AR: variants seen among roughly 807,000 people sequenced by gnomAD.
AR encodes the protein dihydrotestosterone receptor.
In AR, 8 loss-of-function variants were observed where a neutral mutation model predicts 53.9. That is an observed-to-expected ratio of 0.15 (90% CI 0.09 to 0.27). The LOEUF (loss-of-function observed/expected upper bound fraction) is 0.27, where lower values mean the gene tolerates loss of function less well. Ranked by LOEUF, AR falls within the 10% of genes least tolerant of loss-of-function variation. The pLI is 1.00. For missense variants in AR, 639 were observed against 742.5 expected (o/e 0.86, Z 1.62); for synonymous variants, 359 against 316.4 (o/e 1.13, Z -1.43).
intron 1 of AR, among the ~76,000 whole-genome samples, chrX:67,598,420 A>G (rs1923181920): frequency 9.1e-6 from 1 of 109,820 alleles, no homozygotes; most frequent in Admixed American, 9.7e-5. Context: ...TAGCTGGATT[A>G]GAGGTGCGTG....
intron 1 of AR, among the ~76,000 whole-genome samples, chrX:67,615,229 A>T (rs954905120): frequency 2.7e-5 from 3 of 111,162 alleles, no homozygotes; most frequent in African/African-American, 6.5e-5. Flanking sequence ...ATCAAAGAAA[A>T]TTTTTTTAAA....
At chrX:67,642,524 A>G (rs1385051298) in intron 1 of AR, among the ~76,000 whole-genome samples, 1 of 111,347 alleles carries the variant, frequency 9.0e-6, no homozygotes, top group Non-Finnish European at 1.9e-5. Flanking sequence ...GTCCAGAATC[A>G]TTGTACATCA....
chrX:67,721,283 A>T (rs1310847441), intron 5 of AR, among the ~76,000 whole-genome samples: 1 of 112,298 alleles, frequency 8.9e-6, no homozygotes, highest in South Asian at 3.7e-4. Context: ...GAGTTTTTGA[A>T]TAAGTATGAA....
At chrX:67,669,286 C>A (rs942683765) in intron 2 of AR, among the ~76,000 whole-genome samples, 2 of 111,170 alleles carry the variant, frequency 1.8e-5, no homozygotes, top group Non-Finnish European at 3.8e-5. Flanking sequence ...AAATTTTCTT[C>A]TTTATTTATT....
intron 2 of AR, among the ~76,000 whole-genome samples, chrX:67,662,158 A>AT (rs1183359873): frequency 9.0e-6 from 1 of 111,344 alleles, no homozygotes; most frequent in Non-Finnish European, 1.9e-5. Context: ...GGATTCATTG[A>AT]TTTTTTGAAG....
chrX:67,545,638 G>A lies in AR; in HGVS notation c.492G>A (p.Leu164=), dbSNP rs2147316727. 8.4e-7 allele frequency: 1 copy of A among 1,193,707 alleles called. No individual in the cohort carries two copies. ...ATGACTCAGCTGCCCCATCCACGTT[G>A]TCCCTGCTGGGCCCCACTTTCCCCG... ...DEDDSAAPST[L]SLLGPTFPGL... The change falls in exon 1 of 8, where the codon TTG becomes TTA. Residue 164 remains leucine, a synonymous_variant. Transcript: ENST00000374690.
intron 1 of AR, among the ~76,000 whole-genome samples, chrX:67,588,690 G>C (rs1269768990): frequency 1.8e-5 from 2 of 112,368 alleles, no homozygotes; most frequent in Non-Finnish European, 3.8e-5. Flanking sequence ...TGACTAAATA[G>C]ACTTGGCCTC....
At chrX:67,571,001 T>C (rs1017009679) in intron 1 of AR, among the ~76,000 whole-genome samples, 5 of 110,438 alleles carry the variant, frequency 4.5e-5, no homozygotes, top group Non-Finnish European at 7.6e-5. Context: ...GAGAGAAGTT[T>C]AGCAGGACCA....
chrX:67,555,682 C>G (rs1263581209), intron 1 of AR, among the ~76,000 whole-genome samples: 2 of 112,265 alleles, frequency 1.8e-5, no homozygotes, highest in East Asian at 5.6e-4. Flanking sequence ...CTGTATTAGA[C>G]AACGTAACAT....
chrX:67,571,933 A>T (rs1921834395), intron 1 of AR, among the ~76,000 whole-genome samples: 1 of 110,895 alleles, frequency 9.0e-6, no homozygotes, highest in South Asian at 3.8e-4. Context: ...GAAGTCTATG[A>T]TGCTGGATTC....
chrX:67,689,613 C>T, intron 3 of AR: 1 of 961,264 alleles, frequency 1.0e-6, no homozygotes, highest in Non-Finnish European at 1.3e-6. Context: ...GAATGGCTTC[C>T]TTAAAGACTA....
chrX:67,577,065 A>G (rs1257223105), intron 1 of AR, among the ~76,000 whole-genome samples: 2 of 104,964 alleles, frequency 1.9e-5, no homozygotes, highest in Non-Finnish European at 3.9e-5. Context: ...CAATTTTGGA[A>G]CAATTTCATT....
At chrX:67,644,423 G>A (rs1276027862) in intron 2 of AR, among the ~76,000 whole-genome samples, 1 of 111,878 alleles carries the variant, frequency 8.9e-6, no homozygotes, top group Non-Finnish European at 1.9e-5. Context: ...TCACTGGCTG[G>A]AAGTGTTGAG....
At chrX:67,631,216 A>C (rs1362014292) in intron 1 of AR, among the ~76,000 whole-genome samples, 1 of 111,450 alleles carries the variant, frequency 9.0e-6, no homozygotes, top group African/African-American at 3.3e-5. Context: ...GTTCTCCTGG[A>C]TAATATCCTG....
At chrX:67,576,197 C>T (rs1298167471) in intron 1 of AR, among the ~76,000 whole-genome samples, 7 of 110,922 alleles carry the variant, frequency 6.3e-5, no homozygotes, top group Non-Finnish European at 1.9e-5. Flanking sequence ...CCAGGAAGTC[C>T]TCACGGAGAG....
At chrX:67,590,897 T>C (rs1293545803) in intron 1 of AR, among the ~76,000 whole-genome samples, 2 of 112,179 alleles carry the variant, frequency 1.8e-5, no homozygotes, top group African/African-American at 6.5e-5. Flanking sequence ...AAAATGCAAA[T>C]GACAGGAAAT....
intron 1 of AR, among the ~76,000 whole-genome samples, chrX:67,593,994 T>C (rs752285278): frequency 1.8e-5 from 2 of 111,728 alleles, no homozygotes; most frequent in Non-Finnish European, 3.8e-5. Context: ...ATAATTTGGT[T>C]ATTTTAGTGC....
intron 1 of AR, among the ~76,000 whole-genome samples, chrX:67,641,260 A>G (rs1246261971): frequency 8.9e-6 from 1 of 111,938 alleles, no homozygotes; most frequent in Non-Finnish European, 1.9e-5. Flanking sequence ...TCTGCAATAT[A>G]GGGATGATAC....
At position 67,580,996 on chromosome X, in the gene AR, A is replaced by G. The variant is rs755269552; in HGVS notation, c.1616+34234A>G. The stretch of plus-strand genomic sequence containing the variant: ...GAATAATCTAAGCCAAGAATTATCA[A>G]CCTGGGTTGGACGTGAGAATCATTA... On this transcript the variant is annotated intron_variant, in intron 1 of 7. Transcript: ENST00000374690. Among the ~76,000 whole-genome samples, 5 of 112,210 alleles carry G rather than the reference A, an allele frequency of 4.5e-5. No homozygotes were observed. The East Asian group carries it at 1.4e-3, about 32-fold the overall frequency.
Sources: allele counts gnomAD v4.1 joint callset (sites outside exome capture counted in the v4.1 genomes callset), GRCh38; gene constraint gnomAD v4.1.1; transcripts MANE v1.5; gene names NCBI Gene and HGNC (gene_info 2026-07-23, HGNC 2026-07-21).